ATXN1: variants seen among roughly 807,000 people sequenced by gnomAD.
ATXN1 encodes ataxin 1.
ATXN1 carries 8 observed loss-of-function variants against 56.4 expected under a neutral mutation model. That is an observed-to-expected ratio of 0.14 (90% CI 0.08 to 0.26). The LOEUF is 0.26. Ranked by LOEUF, ATXN1 falls within the 10% of genes least tolerant of loss-of-function variation. ATXN1 has a pLI of 1.00. For synonymous variants in ATXN1, 514 were observed against 494.6 expected (o/e 1.04, Z -0.52); for missense variants, 987 against 1,106.5 (o/e 0.89, Z 1.53).
At chr6:16,398,902 T>C (rs1758508722) in intron 6 of ATXN1, among the ~76,000 whole-genome samples, 1 of 152,216 alleles carries the variant, frequency 6.6e-6, no homozygotes, top group Non-Finnish European at 1.5e-5. Context: ...AGGTAGGTTT[T>C]CTTTGGCTTT....
chr6:16,502,525 G>A (rs1428366810), intron 5 of ATXN1, among the ~76,000 whole-genome samples: 4 of 152,132 alleles, frequency 2.6e-5, no homozygotes, highest in African/African-American at 7.2e-5. Context: ...TTGAAAAACA[G>A]TAGGATTCTG....
At chr6:16,691,275 A>G (rs963572059) in intron 2 of ATXN1, among the ~76,000 whole-genome samples, 1 of 152,224 alleles carries the variant, frequency 6.6e-6, no homozygotes, top group Non-Finnish European at 1.5e-5. Context: ...CTTGTTCACT[A>G]TCATATTCCT....
At chr6:16,639,615 C>T (rs1241283683) in intron 3 of ATXN1, among the ~76,000 whole-genome samples, 5 of 144,726 alleles carry the variant, frequency 3.5e-5, no homozygotes, top group Non-Finnish European at 7.7e-5. Flanking sequence ...CGCCCGGCCC[C>T]TGGGTTTCTT....
chr6:16,670,295 A>G (rs755250057), intron 2 of ATXN1, among the ~76,000 whole-genome samples: 3 of 151,996 alleles, frequency 2.0e-5, no homozygotes, highest in Non-Finnish European at 4.4e-5. Flanking sequence ...GCCTGCTCTC[A>G]TGGTTCTCCA....
At chr6:16,610,990 A>G (rs1378861502) in intron 3 of ATXN1, among the ~76,000 whole-genome samples, 1 of 152,198 alleles carries the variant, frequency 6.6e-6, no homozygotes, top group Non-Finnish European at 1.5e-5. Context: ...TGATCCCACC[A>G]GTGCACTCCA....
chr6:16,701,498 G>C (rs1232911653), intron 2 of ATXN1, among the ~76,000 whole-genome samples: 2 of 152,192 alleles, frequency 1.3e-5, no homozygotes, highest in African/African-American at 2.4e-5. Context: ...AATCAGGCAG[G>C]AGAAGGAAAT....
chr6:16,436,826 C>G (rs147609204), intron 6 of ATXN1, among the ~76,000 whole-genome samples: 2 of 152,234 alleles, frequency 1.3e-5, no homozygotes, highest in South Asian at 4.1e-4. Flanking sequence ...GGTACAGGGT[C>G]TGGACTACAT....
intron 3 of ATXN1, among the ~76,000 whole-genome samples, chr6:16,607,652 T>C (rs988721296): frequency 6.6e-6 from 1 of 152,188 alleles, no homozygotes; most frequent in African/African-American, 2.4e-5. Context: ...TGGTCAACTG[T>C]TGAAAACCAC....
intron 6 of ATXN1, among the ~76,000 whole-genome samples, chr6:16,373,347 C>T (rs1001257815): frequency 4.6e-5 from 7 of 152,148 alleles, no homozygotes; most frequent in East Asian, 1.9e-4. Flanking sequence ...ATCTGCTTCA[C>T]GGGCATATTA....
chr6:16,556,938 A>G (rs773162436), intron 4 of ATXN1, among the ~76,000 whole-genome samples: 1 of 152,210 alleles, frequency 6.6e-6, no homozygotes, highest in African/African-American at 2.4e-5. Context: ...AACCTTTCTA[A>G]AGGACAACCA....
At chr6:16,741,081 GT>G (rs1760324673) in intron 2 of ATXN1, among the ~76,000 whole-genome samples, 1 of 152,156 alleles carries the variant, frequency 6.6e-6, no homozygotes, top group African/African-American at 2.4e-5. Flanking sequence ...AGAAAATCAG[GT>G]TTACAGCACA....
intron 6 of ATXN1, among the ~76,000 whole-genome samples, chr6:16,357,686 G>C (rs1330902295): frequency 6.6e-6 from 1 of 152,154 alleles, no homozygotes; most frequent in Non-Finnish European, 1.5e-5. Flanking sequence ...AATCCAATCA[G>C]CTCAGTTCCC....
Position 16,330,103 on chromosome 6 carries a change from A to G in ATXN1, c.-160-1633T>C, listed in dbSNP as rs1046521482. On this transcript the variant is annotated intron_variant, in intron 6 of 7. Coordinates refer to ENST00000436367, the MANE Select transcript of ATXN1 (RefSeq NM_001128164.2). ...TTTCTTTCTTTCTTTCTTTGGAGAG[A>G]TGGGGTCTTGCTATGTTAACCAGGC... is the stretch of plus-strand genomic sequence containing the variant. 3.3e-5 allele frequency among the ~76,000 whole-genome samples: 5 copies of G among 151,906 alleles called. No individual in the cohort carries two copies. The East Asian group carries it at 5.8e-4, about 18-fold the overall frequency.
At chr6:16,408,600 C>G (rs1057286166) in intron 6 of ATXN1, among the ~76,000 whole-genome samples, 1 of 151,522 alleles carries the variant, frequency 6.6e-6, no homozygotes, top group Non-Finnish European at 1.5e-5. Context: ...TCACTTACAA[C>G]CTTTTCAGGG....
chr6:16,669,472 T>C (rs1758494388), intron 2 of ATXN1, among the ~76,000 whole-genome samples: 1 of 152,202 alleles, frequency 6.6e-6, no homozygotes, highest in Admixed American at 6.5e-5. Flanking sequence ...TTTTAGTGTA[T>C]TTTAAGTATT....
chr6:16,341,160 G>T (rs1343042037), intron 6 of ATXN1, among the ~76,000 whole-genome samples: 1 of 152,138 alleles, frequency 6.6e-6, no homozygotes, highest in Non-Finnish European at 1.5e-5. Flanking sequence ...CAGATTTTGG[G>T]GACATATTTC....
chr6:16,385,673 C>T (rs1489865078), intron 6 of ATXN1, among the ~76,000 whole-genome samples: 4 of 152,180 alleles, frequency 2.6e-5, no homozygotes, highest in Non-Finnish European at 4.4e-5. Flanking sequence ...CTCTACAATC[C>T]CCCTACATGC....
intron 2 of ATXN1, among the ~76,000 whole-genome samples, chr6:16,730,487 G>GTGTATA (rs141836403): frequency 0.052 from 6,837 of 131,736 alleles, 601 homozygotes; most frequent in African/African-American, 0.16. Context: ...AAAACAGTAT[G>GTGTATA]TATATATATA....
intron 2 of ATXN1, among the ~76,000 whole-genome samples, chr6:16,752,312 C>T (rs1325046703): frequency 1.3e-5 from 2 of 152,114 alleles, no homozygotes; most frequent in Admixed American, 1.3e-4. Context: ...GAAGACCGGC[C>T]GACCCAGGGG....
Sources: gnomAD v4.1 joint callset for allele counts (sites outside exome capture counted in the v4.1 genomes callset) on GRCh38, gnomAD v4.1.1 for gene constraint, MANE v1.5 for transcripts, NCBI Gene and HGNC (gene_info 2026-07-23, HGNC 2026-07-21) for gene names.